The following CD69 variants were observed in gnomAD, a reference collection of about 807,000 sequenced individuals.
CD69 encodes the protein early activation antigen CD69.
A neutral mutation model predicts 21.4 loss-of-function variants in CD69; 10 were observed. The observed-to-expected ratio is 0.47, with a 90% CI of 0.29 to 0.79. The LOEUF is 0.79. Ranked by LOEUF, CD69 falls within the 30% of genes least tolerant of loss-of-function variation. The pLI is 0.09. For missense variants in CD69, 204 were observed against 236.9 expected, an observed-to-expected ratio of 0.86 and a Z score of 0.91; for synonymous variants, 63 against 78.2, an observed-to-expected ratio of 0.81 and a Z score of 1.03.
Position 9,760,876 on chromosome 12 carries a change from T to A in CD69, c.-56A>T. 7.0e-7 allele frequency: 1 copy of A among 1,419,264 alleles called. No individual in the cohort carries two copies. Among genetic ancestry groups the A allele is most frequent in the Admixed American group, 1.7e-5 (1 of 59,694 alleles). The allele number at this position is 1,419,264 out of a possible 1,614,324, so 87.9% of individuals were successfully genotyped here. ...AGGTCAAGTCAAGCTACAGTGAAAGTCTTTGCTGGAGCTCTTGTTGAGTCT... is the reference window on the plus strand; with the variant it reads ...AGGTCAAGTCAAGCTACAGTGAAAGACTTTGCTGGAGCTCTTGTTGAGTCT... On this transcript the variant is annotated 5_prime_UTR_variant, in exon 1 of 5. Coordinates refer to ENST00000228434, the MANE Select transcript of CD69 (RefSeq NM_001781.2).
chr12:9,757,086 T>A (rs187422435), intron 1 of CD69, among the ~76,000 whole-genome samples: 404 of 151,990 alleles, frequency 2.7e-3, no homozygotes, highest in African/African-American at 7.8e-3. Context: ...TCTAAAAAAA[T>A]AAATAAATAA....
chr12:9,758,060 G>A (rs1782710177), intron 1 of CD69, among the ~76,000 whole-genome samples: 1 of 42,308 alleles, frequency 2.4e-5, no homozygotes, highest in South Asian at 1.7e-3. Context: ...CAAAGTAAAA[G>A]CCTTTTTTTT....
intron 1 of CD69, among the ~76,000 whole-genome samples, chr12:9,759,786 T>C (rs1866716489): frequency 1.3e-5 from 2 of 152,192 alleles, no homozygotes. Flanking sequence ...TCCTAAGTGC[T>C]AGTGCTTTAG....
rs139075243 is a variant in CD69 at position 9,760,637 on chromosome 12, G to A, written c.64+120C>T. On this transcript the variant is annotated intron_variant, in intron 1 of 4. Coordinates refer to ENST00000228434, the MANE Select transcript of CD69 (RefSeq NM_001781.2). ...GATATCACATACATAGAGATTAGCA[G>A]TATATTTCTCTAAGATTATATATCA... is the stretch of plus-strand genomic sequence containing the variant. 1.6e-3 allele frequency: 1,135 copies of A among 718,624 alleles called. 10 individuals are homozygous for A. In the African/African-American group the frequency reaches 0.018, roughly 11 times the overall value. 44.5% of individuals were successfully genotyped at this position (718,624 alleles called of 1,614,324 possible).
rs1866679250 is a variant in CD69, at chr12:9,756,346, C to T, written c.138G>A (p.Met46Ile). ...TTAAAATGGTGATGAAGACCACATTCATTACAGCACACAGGACAGGAACTT... is the reference window on the plus strand; with the variant it reads ...TTAAAATGGTGATGAAGACCACATTTATTACAGCACACAGGACAGGAACTT... Reference protein sequence around the residue: ...SFQVPVLCAVMNVVFITILII... With the variant: ...SFQVPVLCAVINVVFITILII... Residue 46 changes from methionine (M) to isoleucine (I), a missense_variant, in exon 2 of 5, where the codon ATG (methionine) becomes ATA (isoleucine). Coordinates refer to ENST00000228434, the MANE Select transcript of CD69 (RefSeq NM_001781.2). The T allele has an allele frequency of 1.9e-6, 3 of 1,613,466 alleles. 1 individual carries two copies. In the South Asian group the frequency reaches 3.3e-5, roughly 18 times the overall value.
At chr12:9,760,624 A>T (rs1278005077) in intron 1 of CD69, 133 bp downstream of exon 1, 1 of 640,632 alleles carries the variant, frequency 1.6e-6, no homozygotes, top group East Asian at 2.9e-5. Context: ...TATCACATAC[A>T]TAGAGATTAG....
intron 1 of CD69, among the ~76,000 whole-genome samples, chr12:9,756,892 A>C (rs1268922400): frequency 6.6e-6 from 1 of 152,164 alleles, no homozygotes; most frequent in East Asian, 1.9e-4. Context: ...CATCATGAGC[A>C]ACATGGTGAA....
At chr12:9,758,169 C>A (rs1483436162) in intron 1 of CD69, among the ~76,000 whole-genome samples, 1 of 151,630 alleles carries the variant, frequency 6.6e-6, no homozygotes, top group Non-Finnish European at 1.5e-5. Flanking sequence ...GTCTGTTCTA[C>A]ACTCTAAGTA....
In CD69 at chr12:9,755,147, G is replaced by A. The variant is rs1866669443; in HGVS notation, c.302C>T (p.Thr101Ile). The change falls in exon 3 of 5, where the codon ACT becomes ATT. Residue 101 changes from threonine (T) to isoleucine (I), a missense_variant. Coordinates refer to ENST00000228434, the MANE Select transcript of CD69 (RefSeq NM_001781.2). ...GGCTGAAGTCCAGCTCCTCTTCACA[G>A]TAGAAATAAAGTAGCATTTCCTCTG... ...GYQRKCYFIS[T>I]VKRSWTSAQN... The A allele has an allele frequency of 6.2e-7, 1 of 1,614,002 alleles. No homozygotes were observed. The highest frequency in any genetic ancestry group is 8.5e-7 in the Non-Finnish European group (1 of 1,179,894).
chr12:9,755,039 T>G (rs1418260025), intron 3 of CD69, 23 bp downstream of exon 3: 1 of 1,595,090 alleles, frequency 6.3e-7, no homozygotes. Context: ...AATAGTAGTA[T>G]TTTATCTTTT....
At chr12:9,758,761 C>T (rs963151088) in intron 1 of CD69, among the ~76,000 whole-genome samples, 2 of 152,266 alleles carry the variant, frequency 1.3e-5, no homozygotes, top group African/African-American at 4.8e-5. Context: ...GTGAGTCAGT[C>T]GTGCTGCTTG....
Position 9,753,151 on chromosome 12 carries a change from AG to A in CD69, c.*329del, listed in dbSNP as rs1372479031. ...GGTAGTCATTCAGCAATAAATAGTA[AG>A]TCCACGCCTAGTTATTTCATTATTT... On this transcript the variant is annotated 3_prime_UTR_variant, in exon 5 of 5. Coordinates refer to ENST00000228434, the MANE Select transcript of CD69 (RefSeq NM_001781.2). 6.2e-6 allele frequency: 1 copy of A among 162,162 alleles called. No homozygotes were observed. The allele number at this position is 162,162 out of a possible 1,614,324, so 10.0% of individuals were successfully genotyped here.
At chr12:9,757,611 G>A (rs1479581541) in intron 1 of CD69, among the ~76,000 whole-genome samples, 2 of 152,054 alleles carry the variant, frequency 1.3e-5, no homozygotes, top group Non-Finnish European at 2.9e-5. Context: ...GCAACAAAAT[G>A]AAGGAATCTC....
intron 1 of CD69, among the ~76,000 whole-genome samples, chr12:9,759,651 G>A (rs954075080): frequency 6.6e-6 from 1 of 151,954 alleles, no homozygotes; most frequent in African/African-American, 2.4e-5. Flanking sequence ...GATGTTTTTC[G>A]GAAGTAAACT....
intron 3 of CD69, 153 bp from the exon 4 acceptor site, chr12:9,754,843 T>C: frequency 2.9e-6 from 2 of 688,818 alleles, no homozygotes; most frequent in South Asian, 3.6e-5. Context: ...GGATTTCTGG[T>C]CTTTGAAGCT....
chr12:9,754,877 G>T (rs1477041865), intron 3 of CD69, 185 bp downstream of exon 3: 1 of 680,880 alleles, frequency 1.5e-6, no homozygotes. Flanking sequence ...AAATTTAAAA[G>T]ATTAAATTAA....
Position 9,754,612 on chromosome 12 carries a change from A to G in CD69, c.466T>C (p.Ser156Pro), listed in dbSNP as rs1180186560. The G allele has an allele frequency of 6.2e-7, 1 of 1,609,226 alleles. No homozygotes were observed. The highest frequency in any genetic ancestry group is 8.5e-7 in the Non-Finnish European group (1 of 1,175,650). ...KKEPGHPWKW[S>P]NGKEFNNWFN... ...CAGTTGTTAAATTCTTTGCCATTTG[A>G]CCACTTCCATGGGTGACCAGGTTCC... is the stretch of plus-strand genomic sequence containing the variant. The change falls in exon 4 of 5, where the codon TCA becomes CCA. Residue 156 changes from serine to proline, a missense_variant. By Grantham distance (74) the Ser-to-Pro change is moderately conservative. Coordinates refer to ENST00000228434, the MANE Select transcript of CD69 (RefSeq NM_001781.2).
At chr12:9,754,464 A>C in intron 4 of CD69, 123 bp downstream of exon 4, 23 of 674,806 alleles carry the variant, frequency 3.4e-5, no homozygotes, top group East Asian at 5.1e-5. Flanking sequence ...CGCATTCAGA[A>C]GAGATTGTTA....
At chr12:9,759,198 G>C (rs1866710502) in intron 1 of CD69, among the ~76,000 whole-genome samples, 1 of 152,026 alleles carries the variant, frequency 6.6e-6, no homozygotes, top group African/African-American at 2.4e-5. Flanking sequence ...CAAAGTGCTG[G>C]GATTACAATT....
Sources: gnomAD v4.1 joint callset for allele counts (sites outside exome capture counted in the v4.1 genomes callset) on GRCh38, gnomAD v4.1.1 for gene constraint, MANE v1.5 for transcripts, NCBI Gene and HGNC (gene_info 2026-07-23, HGNC 2026-07-21) for gene names.